The following SYT6 variants were observed in gnomAD, a reference collection of about 807,000 sequenced individuals.
The protein encoded by SYT6 is synaptotagmin-6.
A neutral mutation model predicts 38.4 loss-of-function variants in SYT6; 24 were observed. The observed-to-expected ratio is 0.62, with a 90% confidence interval of 0.45 to 0.88. The LOEUF (loss-of-function observed/expected upper bound fraction) is 0.88. Ranked by LOEUF, SYT6 falls within the 40% of genes least tolerant of loss-of-function variation. The pLI, the probability that SYT6 is intolerant of heterozygous loss-of-function variation, is 0.00. For synonymous variants in SYT6, 265 were observed against 241.9 expected, an observed-to-expected ratio of 1.10 and a Z score of -0.89; for missense variants, 611 against 621.0, an observed-to-expected ratio of 0.98 and a Z score of 0.17.
rs1159750986 is a variant in SYT6 at position 114,091,827 on chromosome 1, C to T, written c.*307G>A. ...ACATCACCTTGGGAGACACAAAAGACTAAGACAGATCTGACCACATGACAA... is the reference window on the plus strand; with the variant it reads ...ACATCACCTTGGGAGACACAAAAGATTAAGACAGATCTGACCACATGACAA... On this transcript the variant is annotated 3_prime_UTR_variant, in exon 8 of 8. Transcript: ENST00000610222. The T allele has an allele frequency of 9.7e-6, 5 of 517,186 alleles. No individual in the cohort carries two copies. 32.0% of individuals were successfully genotyped at this position (517,186 alleles called of 1,614,324 possible).
intron 3 of SYT6, among the ~76,000 whole-genome samples, chr1:114,115,482 T>G (rs1484247461): frequency 6.6e-6 from 1 of 151,744 alleles, no homozygotes; most frequent in Non-Finnish European, 1.5e-5. Context: ...AGTGGTGCGA[T>G]CTCGGCTCAC....
chr1:114,117,235 G>GCCT (rs1677050728), intron 3 of SYT6, among the ~76,000 whole-genome samples: 1 of 152,240 alleles, frequency 6.6e-6, no homozygotes, highest in South Asian at 2.1e-4. Flanking sequence ...TGAAGCAGGT[G>GCCT]CCTTTCGCCC....
rs1488851494 is a variant in SYT6, at chr1:114,091,202, G to A, written c.*932C>T. The A allele has an allele frequency of 6.5e-6, 1 of 152,748 alleles. No individual in the cohort carries two copies. Among genetic ancestry groups the A allele is most frequent in the Non-Finnish European group, 1.5e-5 (1 of 68,048 alleles). 9.5% of individuals were successfully genotyped at this position (152,748 alleles called of 1,614,324 possible). A position where few individuals can be genotyped will look rare whatever the true frequency, so the allele number is the denominator to read the frequency against. On this transcript the variant is annotated 3_prime_UTR_variant, in exon 8 of 8. Transcript: ENST00000610222. The stretch of plus-strand genomic sequence containing the variant: ...ATGCAGAAATCATTCCAGAACATAT[G>A]TTTCTCTCTTACTTTACAATCAAGA...
intron 1 of SYT6, among the ~76,000 whole-genome samples, chr1:114,147,219 CTAA>C (rs1177248297): frequency 6.6e-6 from 1 of 152,228 alleles, no homozygotes; most frequent in African/African-American, 2.4e-5. Context: ...GCTTTTCCTG[CTAA>C]TACTCATTTG....
At chr1:114,115,559 G>A (rs969287969) in intron 3 of SYT6, among the ~76,000 whole-genome samples, 1 of 151,954 alleles carries the variant, frequency 6.6e-6, no homozygotes, top group Non-Finnish European at 1.5e-5. Flanking sequence ...TGGGATTACA[G>A]GTGCATGCCA....
At position 114,089,927 on chromosome 1, in the gene SYT6, T is replaced by C. The variant is rs570071332; in HGVS notation, c.*2207A>G. ...TTGGATATAAGAGGAATGTCTCAGA[T>C]GAGCAATACTATTGTGATTCACATT... On this transcript the variant is annotated 3_prime_UTR_variant, in exon 8 of 8. Transcript: ENST00000610222. The C allele has an allele frequency of 1.3e-5, 2 of 152,480 alleles. No individual in the cohort carries two copies. Among genetic ancestry groups the C allele is most frequent in the Non-Finnish European group, 2.9e-5 (2 of 68,024 alleles). 9.4% of individuals were successfully genotyped at this position (152,480 alleles called of 1,614,324 possible).
At chr1:114,112,643 C>A (rs1344733614) in intron 3 of SYT6, among the ~76,000 whole-genome samples, 2 of 152,238 alleles carry the variant, frequency 1.3e-5, no homozygotes, top group African/African-American at 2.4e-5. Context: ...GCCAGGAAGT[C>A]TGTGCCGTAG....
chr1:114,108,039 C>T (rs1479060719), intron 3 of SYT6, among the ~76,000 whole-genome samples: 1 of 152,206 alleles, frequency 6.6e-6, no homozygotes, highest in Non-Finnish European at 1.5e-5. Context: ...AACCTAGGAG[C>T]TGATAGGGTA....
intron 3 of SYT6, among the ~76,000 whole-genome samples, chr1:114,107,450 G>C (rs1249711558): frequency 6.6e-6 from 1 of 152,216 alleles, no homozygotes; most frequent in African/African-American, 2.4e-5. Context: ...TGAAAGGACT[G>C]GCTCAAGATC....
At chr1:114,152,223 C>G (rs1223913038) in intron 1 of SYT6, 1 of 152,254 alleles carries the variant, frequency 6.6e-6, no homozygotes, top group East Asian at 1.9e-4. Flanking sequence ...TGTACCTGCT[C>G]CCAGAACCGC....
rs370907546 is a variant in SYT6, at chr1:114,137,876, G to A, written c.690C>T (p.Cys230=). 15 of 1,613,886 alleles carry A rather than the reference G, an allele frequency of 9.3e-6. No homozygotes were observed. The highest frequency in any genetic ancestry group is 1.6e-4 in the Middle Eastern group (1 of 6,084). The change falls in exon 3 of 8, where the codon TGC becomes TGT. Residue 230 remains cysteine, a synonymous_variant. Transcript: ENST00000610222. Reference sequence around the variant, plus strand: ...AGCGTAGGCTGAAGTTGATCTTCCCGCAGCTCTTGGTGGCCTCAGACTTGG... The same window carrying A: ...AGCGTAGGCTGAAGTTGATCTTCCCACAGCTCTTGGTGGCCTCAGACTTGG... ...EDAKSEATKS[C]GKINFSLRYD...
chr1:114,091,898 G>T lies in SYT6; in HGVS notation c.*236C>A. 1 of 1,043,226 alleles carries T rather than the reference G, an allele frequency of 9.6e-7. No individual in the cohort carries two copies. Among genetic ancestry groups the T allele is most frequent in the Non-Finnish European group, 1.4e-6 (1 of 711,114 alleles). The allele number at this position is 1,043,226 out of a possible 1,614,324, so 64.6% of individuals were successfully genotyped here. On this transcript the variant is annotated 3_prime_UTR_variant, in exon 8 of 8. Coordinates refer to ENST00000610222, the MANE Select transcript of SYT6 (RefSeq NM_001253772.2). ...ACAGGAGCAGGTAAGACTCTGGAGT[G>T]ACGGACGGCTGCCGCTGCTGCCGCC...
intron 3 of SYT6, among the ~76,000 whole-genome samples, chr1:114,106,987 TG>T (rs1553180073): frequency 4.6e-5 from 7 of 152,176 alleles, no homozygotes; most frequent in Non-Finnish European, 8.8e-5. Context: ...AAAAGAACTC[TG>T]GAAGGAGTGG....
chr1:114,097,634 C>T (rs1262749470), intron 6 of SYT6, 93 bp downstream of exon 6: 26 of 1,512,024 alleles, frequency 1.7e-5, no homozygotes, highest in Non-Finnish European at 2.3e-5. Flanking sequence ...CACCTTTCCA[C>T]AAAAGGCCGA....
chr1:114,097,444 C>G (rs1675700535), intron 6 of SYT6, among the ~76,000 whole-genome samples: 1 of 152,244 alleles, frequency 6.6e-6, no homozygotes, highest in Non-Finnish European at 1.5e-5. Context: ...GAAAGCATTT[C>G]AGACCTGGCA....
chr1:114,131,637 A>G (rs568687975), intron 3 of SYT6, among the ~76,000 whole-genome samples: 2 of 152,192 alleles, frequency 1.3e-5, no homozygotes, highest in Admixed American at 6.5e-5. Flanking sequence ...GCACCCTGAT[A>G]TGGAGGGCTC....
intron 1 of SYT6, among the ~76,000 whole-genome samples, chr1:114,141,990 C>G (rs763614074): frequency 6.6e-6 from 1 of 152,214 alleles, no homozygotes; most frequent in Non-Finnish European, 1.5e-5. Flanking sequence ...TATTACTGCT[C>G]ATTGACTATG....
chr1:114,096,407 T>C (rs1571813336), intron 6 of SYT6, among the ~76,000 whole-genome samples: 2 of 152,322 alleles, frequency 1.3e-5, no homozygotes, highest in South Asian at 4.1e-4. Flanking sequence ...TTGCTTCTTT[T>C]TATCTCTTGA....
chr1:114,091,433 G>A lies in SYT6; in HGVS notation c.*701C>T, dbSNP rs1675295041. On this transcript the variant is annotated 3_prime_UTR_variant, in exon 8 of 8. Coordinates refer to ENST00000610222, the MANE Select transcript of SYT6 (RefSeq NM_001253772.2). ...CGAGGAACCCTGCACATCAGCTGAA[G>A]GCTCACAAGCGCCTCAGAGGTCTTG... 6.6e-6 allele frequency: 1 copy of A among 152,392 alleles called. No individual in the cohort carries two copies. The highest frequency in any genetic ancestry group is 1.5e-5 in the Non-Finnish European group (1 of 68,058). The allele number at this position is 152,392 out of a possible 1,614,324, so 9.4% of individuals were successfully genotyped here. A position where few individuals can be genotyped will look rare whatever the true frequency, so the allele number is the denominator to read the frequency against.
Sources: allele counts gnomAD v4.1 joint callset (sites outside exome capture counted in the v4.1 genomes callset), GRCh38; gene constraint gnomAD v4.1.1; transcripts MANE v1.5; gene names NCBI Gene and HGNC (gene_info 2026-07-23, HGNC 2026-07-21).